Variants in ARHGAP10 observed in about 807,000 individuals in gnomAD.
ARHGAP10 encodes rho GTPase-activating protein 10.
ARHGAP10 carries 87 observed loss-of-function variants against 108.6 expected under a neutral mutation model. The ratio of observed to expected loss-of-function variants is 0.80; its 90% CI spans 0.67 to 0.96. The LOEUF is 0.96. ARHGAP10 is among the 40% of genes least tolerant of loss of function. The pLI is 0.00. For missense variants in ARHGAP10, 939 were observed against 954.5 expected (o/e 0.98, Z 0.21); for synonymous variants, 347 against 341.1 (o/e 1.02, Z -0.19).
chr4:148,070,076 C>G (rs570780920), intron 22 of ARHGAP10, among the ~76,000 whole-genome samples: 21 of 152,370 alleles, frequency 1.4e-4, no homozygotes, highest in African/African-American at 5.0e-4. Context: ...ATGTGTCTGA[C>G]ACGGTGCTAG....
intron 4 of ARHGAP10, among the ~76,000 whole-genome samples, chr4:147,852,151 A>G (rs539199050): frequency 1.3e-5 from 2 of 152,272 alleles, no homozygotes; most frequent in South Asian, 4.1e-4. Flanking sequence ...GCCAAACAGG[A>G]GTTGCTCAGC....
At chr4:147,921,404 G>T (rs1224753973) in intron 13 of ARHGAP10, among the ~76,000 whole-genome samples, 1 of 152,192 alleles carries the variant, frequency 6.6e-6, no homozygotes, top group African/African-American at 2.4e-5. Flanking sequence ...CTCTGCTTTA[G>T]ACGATGAGAG....
chr4:147,899,596 C>G (rs1208502496), intron 10 of ARHGAP10, among the ~76,000 whole-genome samples: 1 of 151,772 alleles, frequency 6.6e-6, no homozygotes, highest in African/African-American at 2.4e-5. Context: ...TTGGAACATA[C>G]AATCTTCTGA....
chr4:147,770,512 G>A (rs1430662000), intron 1 of ARHGAP10, among the ~76,000 whole-genome samples: 4 of 152,226 alleles, frequency 2.6e-5, no homozygotes, highest in African/African-American at 4.8e-5. Context: ...GCAATAGAGC[G>A]AGACTTGATC....
chr4:147,943,155 C>A (rs1738223983), intron 14 of ARHGAP10, among the ~76,000 whole-genome samples: 1 of 152,124 alleles, frequency 6.6e-6, no homozygotes, highest in Non-Finnish European at 1.5e-5. Context: ...CTTCCTTCTT[C>A]CCTACTTTAG....
intron 16 of ARHGAP10, among the ~76,000 whole-genome samples, chr4:147,956,527 A>AT (rs1469329981): frequency 6.6e-6 from 1 of 151,946 alleles, no homozygotes; most frequent in Non-Finnish European, 1.5e-5. Flanking sequence ...GTGGGGGAAA[A>AT]TTTTTTCGGC....
chr4:147,981,444 T>G (rs1487046146), intron 18 of ARHGAP10, among the ~76,000 whole-genome samples: 2 of 152,224 alleles, frequency 1.3e-5, no homozygotes, highest in African/African-American at 4.8e-5. Flanking sequence ...TTTCAGTTTT[T>G]AAAAAGTATA....
At position 147,938,389 on chromosome 4, in the gene ARHGAP10, C is replaced by G. The variant is rs559759232; in HGVS notation, c.1229-1436C>G. Among the ~76,000 whole-genome samples, 3 of 152,058 alleles carry G rather than the reference C, an allele frequency of 2.0e-5. No homozygotes were observed. In the East Asian group the frequency reaches 5.8e-4, roughly 29 times the overall value. On this transcript the variant is annotated intron_variant, in intron 13 of 22. Coordinates refer to ENST00000336498, the MANE Select transcript of ARHGAP10 (RefSeq NM_024605.4). ...AAGTTAAAAAAAATAGTATATGTAA[C>G]TATAATTTTTAAAAAAAGCAAAGAG... is the stretch of plus-strand genomic sequence containing the variant.
chr4:148,004,029 C>T (rs1257073256), intron 18 of ARHGAP10, among the ~76,000 whole-genome samples: 1 of 115,010 alleles, frequency 8.7e-6, no homozygotes, highest in Non-Finnish European at 1.7e-5. Flanking sequence ...TGAACTGGAA[C>T]ATCCTTTCTG....
At chr4:147,946,833 G>T in intron 15 of ARHGAP10, 129 bp downstream of exon 15, 1 of 630,622 alleles carries the variant, frequency 1.6e-6, no homozygotes. Flanking sequence ...AAATTTATCA[G>T]GTGTCTCAGT....
chr4:147,901,557 C>T (rs1050941251), intron 10 of ARHGAP10, among the ~76,000 whole-genome samples: 1 of 152,220 alleles, frequency 6.6e-6, no homozygotes, highest in Admixed American at 6.5e-5. Flanking sequence ...CTGCTGGCTT[C>T]CACAAAGGGC....
At chr4:147,760,904 CTA>C (rs1729561883) in intron 1 of ARHGAP10, among the ~76,000 whole-genome samples, 2 of 151,948 alleles carry the variant, frequency 1.3e-5, no homozygotes, top group African/African-American at 2.4e-5. Flanking sequence ...CTTGGGCAAA[CTA>C]TGTGTATTGG....
intron 15 of ARHGAP10, among the ~76,000 whole-genome samples, chr4:147,951,771 A>G (rs1289701812): frequency 6.6e-6 from 1 of 152,130 alleles, no homozygotes. Flanking sequence ...TTTGTTGTTT[A>G]AAGACAGCTT....
chr4:147,850,874 A>T (rs1733853046), intron 4 of ARHGAP10, among the ~76,000 whole-genome samples: 1 of 152,178 alleles, frequency 6.6e-6, no homozygotes, highest in Admixed American at 6.5e-5. Flanking sequence ...GTCCCACAGG[A>T]CTTTGTGGGT....
chr4:147,741,843 T>A (rs1399035965), intron 1 of ARHGAP10, among the ~76,000 whole-genome samples: 1 of 148,492 alleles, frequency 6.7e-6, no homozygotes, highest in Non-Finnish European at 1.5e-5. Flanking sequence ...GCGCTTTGCA[T>A]TCTAAAGGCA....
At chr4:147,967,834 C>T (rs1480316068) in intron 18 of ARHGAP10, among the ~76,000 whole-genome samples, 2 of 151,960 alleles carry the variant, frequency 1.3e-5, no homozygotes, top group Non-Finnish European at 2.9e-5. Context: ...CTGAGGGCCT[C>T]TTGTAAGTGG....
At chr4:148,039,265 T>C (rs1239362598) in intron 19 of ARHGAP10, among the ~76,000 whole-genome samples, 1 of 152,002 alleles carries the variant, frequency 6.6e-6, no homozygotes, top group Non-Finnish European at 1.5e-5. Flanking sequence ...GGGATTTTTA[T>C]ATCTGGTAAT....
intron 18 of ARHGAP10, among the ~76,000 whole-genome samples, chr4:148,004,758 A>AG (rs1740876068): frequency 6.6e-6 from 1 of 152,238 alleles, no homozygotes; most frequent in Non-Finnish European, 1.5e-5. Context: ...TCCAGAATAC[A>AG]GCTTGGCTGA....
At chr4:147,772,869 T>G (rs2126720354) in intron 1 of ARHGAP10, among the ~76,000 whole-genome samples, 1 of 152,228 alleles carries the variant, frequency 6.6e-6, no homozygotes, top group East Asian at 1.9e-4. Context: ...GGTGGATGAG[T>G]GCAGCTGTCG....
Sources: gnomAD v4.1 joint callset for allele counts (sites outside exome capture counted in the v4.1 genomes callset) on GRCh38, gnomAD v4.1.1 for gene constraint, MANE v1.5 for transcripts, NCBI Gene and HGNC (gene_info 2026-07-23, HGNC 2026-07-21) for gene names.